Variants in CFAP36 observed in about 807,000 individuals in gnomAD.
CFAP36 encodes the protein cilia and flagella associated protein 36.
CFAP36 carries 37 observed loss-of-function variants against 50.5 expected under a neutral mutation model. The ratio of observed to expected loss-of-function variants is 0.73; its 90% CI spans 0.56 to 0.96. The LOEUF is 0.96. Ranked by LOEUF, CFAP36 falls within the 50% of genes least tolerant of loss-of-function variation. The probability of loss-of-function intolerance (pLI) is 0.00; values close to 1 mark genes in which losing one functional copy is unlikely to be tolerated. For synonymous variants in CFAP36, 138 were observed against 128.2 expected (o/e 1.08, Z -0.52); for missense variants, 407 against 396.2 (o/e 1.03, Z -0.23).
intron 4 of CFAP36, among the ~76,000 whole-genome samples, chr2:55,530,395 C>T (rs1684325286): frequency 6.6e-6 from 1 of 152,208 alleles, no homozygotes; most frequent in African/African-American, 2.4e-5. Flanking sequence ...TGGACTAACA[C>T]AAACAAGTTC....
chr2:55,544,320 A>G lies in CFAP36; in HGVS notation c.878A>G (p.Lys293Arg). ...LMSMRKDMRTKQIQNMEQKGK... is the reference protein window; with the variant it reads ...LMSMRKDMRTRQIQNMEQKGK... ...TCCATGAGAAAGGATATGAGGACTA[A>G]ACAGATACAAAATATGGAGCAGAAA... Residue 293 changes from lysine to arginine, a missense_variant, in exon 9 of 10, where the codon AAA (lysine) becomes AGA (arginine). Transcript: ENST00000349456. 1 of 1,613,956 alleles carries G rather than the reference A, an allele frequency of 6.2e-7. No homozygotes were observed. Among genetic ancestry groups the G allele is most frequent in the Non-Finnish European group, 8.5e-7 (1 of 1,179,926 alleles).
intron 7 of CFAP36, among the ~76,000 whole-genome samples, chr2:55,540,941 A>G (rs1684621863): frequency 6.6e-6 from 1 of 152,040 alleles, no homozygotes; most frequent in Non-Finnish European, 1.5e-5. Flanking sequence ...TGAGCCCACG[A>G]GGTGGATGTT....
At chr2:55,539,751 G>A (rs561100193) in intron 7 of CFAP36, among the ~76,000 whole-genome samples, 7 of 152,320 alleles carry the variant, frequency 4.6e-5, no homozygotes, top group East Asian at 1.9e-4. Flanking sequence ...GTGAATGAGC[G>A]TTCTTGTTGC....
chr2:55,528,956 C>T lies in CFAP36; in HGVS notation c.361C>T (p.Gln121Ter). The T allele has an allele frequency of 6.2e-7, 1 of 1,610,588 alleles. No homozygotes were observed. The highest frequency in any genetic ancestry group is 8.5e-7 in the Non-Finnish European group (1 of 1,178,306). Residue 121 changes from glutamine to a stop codon, truncating the protein, a stop_gained, in exon 4 of 10, where the codon CAG becomes TAG. Coordinates refer to ENST00000349456, the MANE Select transcript of CFAP36 (RefSeq NM_080667.7). LOFTEE classifies it high-confidence loss of function. ...AMMVQKNIEM[Q>*]LQAIRIIQER... ...GATGGTCCAGAAAAACATTGAAATG[C>T]AGCTGCAAGCCATTCGAATAATTCA...
chr2:55,539,018 C>G (rs1684565407), intron 7 of CFAP36: 1 of 1,016,624 alleles, frequency 9.8e-7, no homozygotes, highest in Admixed American at 3.7e-5. Context: ...GAGATTTCCC[C>G]CATATAGTCC....
At position 55,544,336 on chromosome 2, in the gene CFAP36, G is replaced by C. The variant is rs1684719054; in HGVS notation, c.894G>C (p.Met298Ile). 2.5e-6 allele frequency: 4 copies of C among 1,613,266 alleles called. No homozygotes were observed. Among genetic ancestry groups the C allele is most frequent in the Non-Finnish European group, 2.5e-6 (3 of 1,179,806 alleles). ...TGAGGACTAAACAGATACAAAATATGGAGCAGAAAGGAAAACCCACTGGGG... is the reference window on the plus strand; with the variant it reads ...TGAGGACTAAACAGATACAAAATATCGAGCAGAAAGGAAAACCCACTGGGG... ...KDMRTKQIQN[M>I]EQKGKPTGEV... Residue 298 changes from methionine to isoleucine, a missense_variant, in exon 9 of 10, where the codon ATG (methionine) becomes ATC (isoleucine). By Grantham distance (10) the Met-to-Ile change is conservative. Coordinates refer to ENST00000349456, the MANE Select transcript of CFAP36 (RefSeq NM_080667.7).
At chr2:55,528,721 A>T (rs758592816) in intron 3 of CFAP36, among the ~76,000 whole-genome samples, 157 bp from the exon 4 acceptor site, 1 of 152,164 alleles carries the variant, frequency 6.6e-6, no homozygotes, top group Non-Finnish European at 1.5e-5. Flanking sequence ...AAGGCTATTA[A>T]GATAAATTTT....
chr2:55,522,065 G>T, intron 1 of CFAP36, 37 bp from the exon 2 acceptor site: 1 of 1,052,930 alleles, frequency 9.5e-7, no homozygotes, highest in Non-Finnish European at 1.4e-6. Context: ...AAAATGATTT[G>T]GTTTTTACAC....
chr2:55,520,795 G>T (rs79368719), intron 1 of CFAP36, among the ~76,000 whole-genome samples: 1 of 152,184 alleles, frequency 6.6e-6, no homozygotes, highest in East Asian at 1.9e-4. Context: ...TTGTAAGGTT[G>T]AGTAGAATAG....
chr2:55,532,480 G>C (rs1684379644), intron 4 of CFAP36, among the ~76,000 whole-genome samples: 1 of 152,046 alleles, frequency 6.6e-6, no homozygotes, highest in Admixed American at 6.6e-5. Context: ...TTTTCCTCAG[G>C]AAGATTATTA....
intron 7 of CFAP36, among the ~76,000 whole-genome samples, chr2:55,538,572 G>T (rs1395664502): frequency 1.3e-5 from 2 of 151,838 alleles, no homozygotes; most frequent in African/African-American, 2.4e-5. Context: ...GGGATTACAG[G>T]CATGAGCCAC....
intron 3 of CFAP36, among the ~76,000 whole-genome samples, chr2:55,526,682 A>G (rs1308045247): frequency 4.6e-5 from 7 of 152,210 alleles, no homozygotes; most frequent in East Asian, 3.9e-4. Context: ...GCATCAAGCA[A>G]TCCTCCTGCC....
intron 4 of CFAP36, among the ~76,000 whole-genome samples, chr2:55,531,666 T>C (rs1280043878): frequency 6.6e-6 from 1 of 152,214 alleles, no homozygotes; most frequent in Non-Finnish European, 1.5e-5. Flanking sequence ...ATGGAATATT[T>C]CCTCCTGTAC....
At chr2:55,524,099 G>T (rs545786986) in intron 3 of CFAP36, among the ~76,000 whole-genome samples, 1 of 152,274 alleles carries the variant, frequency 6.6e-6, no homozygotes, top group South Asian at 2.1e-4. Context: ...TATTTACATA[G>T]ATCTCCAATA....
chr2:55,520,566 T>C (rs1684036178), intron 1 of CFAP36: 1 of 994,040 alleles, frequency 1.0e-6, no homozygotes, highest in East Asian at 3.1e-5. Flanking sequence ...AGATATGGCA[T>C]AATATTCCCC....
chr2:55,521,081 G>C (rs17278044), intron 1 of CFAP36, among the ~76,000 whole-genome samples: 67,305 of 151,970 alleles, frequency 0.44, 15,892 homozygotes, highest in Non-Finnish European at 0.52. Flanking sequence ...TTTGACCACT[G>C]AATCTTTTCA....
At chr2:55,538,608 T>TA (rs1215141062) in intron 7 of CFAP36, among the ~76,000 whole-genome samples, 1 of 151,988 alleles carries the variant, frequency 6.6e-6, no homozygotes, top group Non-Finnish European at 1.5e-5. Context: ...TTATCTTTTT[T>TA]AAAAAAATTA....
Position 55,544,343 on chromosome 2 carries a change from A to T in CFAP36, c.901A>T (p.Lys301Ter). The change falls in exon 9 of 10, where the codon AAA (lysine) becomes TAA (stop). Residue 301 changes from lysine to a stop codon, truncating the protein, a stop_gained. Coordinates refer to ENST00000349456, the MANE Select transcript of CFAP36 (RefSeq NM_080667.7). LOFTEE classifies it high-confidence loss of function. ...TAAACAGATACAAAATATGGAGCAG[A>T]AAGGAAAACCCACTGGGGAGGTAGA... ...RTKQIQNMEQ[K>*]GKPTGEVEEM... The T allele has an allele frequency of 6.2e-7, 1 of 1,613,448 alleles. No homozygotes were observed. Among genetic ancestry groups the T allele is most frequent in the Non-Finnish European group, 8.5e-7 (1 of 1,179,806 alleles).
At chr2:55,533,570 C>T (rs2103652842) in intron 4 of CFAP36, among the ~76,000 whole-genome samples, 1 of 151,868 alleles carries the variant, frequency 6.6e-6, no homozygotes, top group African/African-American at 2.4e-5. Context: ...TGGTGGGCAG[C>T]TGTAATCCCA....
Sources: allele counts gnomAD v4.1 joint callset (sites outside exome capture counted in the v4.1 genomes callset), GRCh38; gene constraint gnomAD v4.1.1; transcripts MANE v1.5; gene names NCBI Gene and HGNC (gene_info 2026-07-23, HGNC 2026-07-21).